Variants in GMDS observed in about 807,000 individuals in gnomAD.
The protein encoded by GMDS is GDP-mannose 4,6-dehydratase.
A neutral mutation model predicts 49.9 loss-of-function variants in GMDS; 20 were observed. The ratio of observed to expected loss-of-function variants is 0.40; its 90% CI spans 0.28 to 0.58. The LOEUF is 0.58. Ranked by LOEUF, GMDS falls within the 20% of genes least tolerant of loss-of-function variation. GMDS has a pLI of 0.42. For missense variants in GMDS, 362 were observed against 481.4 expected, an observed-to-expected ratio of 0.75 and a Z score of 2.32; for synonymous variants, 177 against 178.6, an observed-to-expected ratio of 0.99 and a Z score of 0.07.
chr6:1,873,110 C>G (rs1307511347), intron 7 of GMDS, among the ~76,000 whole-genome samples: 1 of 152,200 alleles, frequency 6.6e-6, no homozygotes, highest in Non-Finnish European at 1.5e-5. Flanking sequence ...GCAAGTCGCC[C>G]AGTTCTTTAA....
intron 4 of GMDS, among the ~76,000 whole-genome samples, chr6:2,082,407 C>T (rs867868642): frequency 3.9e-5 from 6 of 152,336 alleles, no homozygotes; most frequent in African/African-American, 7.2e-5. Context: ...GCCAGGCCAG[C>T]GGCCCAGGGC....
At chr6:1,959,727 A>T in intron 6 of GMDS, 140 bp downstream of exon 6, 1 of 427,100 alleles carries the variant, frequency 2.3e-6, no homozygotes, top group East Asian at 3.5e-5. Context: ...ACATTTCTTC[A>T]TTTGCTGCTC....
intron 1 of GMDS, among the ~76,000 whole-genome samples, chr6:2,190,970 C>T (rs1270438730): frequency 1.3e-5 from 2 of 152,142 alleles, no homozygotes; most frequent in Non-Finnish European, 2.9e-5. Flanking sequence ...CCTAGCCCCA[C>T]ACCACCACTC....
chr6:1,631,065 C>T (rs908286173), intron 9 of GMDS, among the ~76,000 whole-genome samples: 4 of 152,142 alleles, frequency 2.6e-5, no homozygotes, highest in Non-Finnish European at 5.9e-5. Flanking sequence ...GGCAAAACCC[C>T]GAGGACAGGA....
chr6:1,717,194 T>G (rs761149), intron 9 of GMDS, among the ~76,000 whole-genome samples: 9,626 of 152,316 alleles, frequency 0.063, 424 homozygotes, highest in African/African-American at 0.12. Flanking sequence ...CCTCCAGAAC[T>G]GTAAGACAAT....
chr6:2,143,949 G>T (rs1438657167), intron 1 of GMDS, among the ~76,000 whole-genome samples: 1 of 152,094 alleles, frequency 6.6e-6, no homozygotes, highest in African/African-American at 2.4e-5. Flanking sequence ...TTAGGAAGTG[G>T]TCCAAGGTTA....
intron 7 of GMDS, among the ~76,000 whole-genome samples, chr6:1,774,275 C>A (rs867058573): frequency 1.3e-5 from 2 of 152,244 alleles, no homozygotes; most frequent in South Asian, 4.1e-4. Context: ...CTCACTTGTG[C>A]CTCATCACTC....
chr6:1,685,294 G>A (rs904346117), intron 9 of GMDS, among the ~76,000 whole-genome samples: 2 of 152,090 alleles, frequency 1.3e-5, no homozygotes, highest in Non-Finnish European at 2.9e-5. Flanking sequence ...CAAGCTACTT[G>A]GGAGGCTGAG....
intron 7 of GMDS, among the ~76,000 whole-genome samples, chr6:1,832,928 G>C (rs1448282436): frequency 2.6e-5 from 4 of 152,198 alleles, no homozygotes; most frequent in Admixed American, 1.3e-4. Context: ...CCACTTTCCA[G>C]ATCACATATT....
Position 2,191,809 on chromosome 6 carries a change from A to G in GMDS, c.102+53512T>C, listed in dbSNP as rs137993619. On this transcript the variant is annotated intron_variant, in intron 1 of 10. Coordinates refer to ENST00000380815, the MANE Select transcript of GMDS (RefSeq NM_001500.4). The surrounding 1 kb of genome is among the most constrained non-coding windows in gnomAD (Gnocchi z 4.6). ...TACCACAGACCATGGCAGGAAGCAG[A>G]CAGGCTCCGGGGTGGAAGGGGGTAG... 6.6e-6 allele frequency among the ~76,000 whole-genome samples: 1 copy of G among 152,310 alleles called. No individual in the cohort carries two copies. The highest frequency in any genetic ancestry group is 2.4e-5 in the African/African-American group (1 of 41,576).
At chr6:2,013,486 A>C (rs1767691290) in intron 4 of GMDS, among the ~76,000 whole-genome samples, 1 of 152,180 alleles carries the variant, frequency 6.6e-6, no homozygotes, top group African/African-American at 2.4e-5. Context: ...TTCACATATA[A>C]CAGATTTTTA....
At chr6:2,110,532 A>T (rs1774487481) in intron 4 of GMDS, among the ~76,000 whole-genome samples, 1 of 151,996 alleles carries the variant, frequency 6.6e-6, no homozygotes, top group South Asian at 2.1e-4. Context: ...CCCTTGACTC[A>T]CAGTCAACTC....
intron 7 of GMDS, among the ~76,000 whole-genome samples, chr6:1,891,263 G>A (rs1759855638): frequency 6.6e-6 from 1 of 152,138 alleles, no homozygotes; most frequent in African/African-American, 2.4e-5. Context: ...CACTACTGCT[G>A]TCTTCAGAAG....
chr6:2,124,304 G>A (rs891194012), intron 2 of GMDS, among the ~76,000 whole-genome samples: 13 of 152,150 alleles, frequency 8.5e-5, no homozygotes, highest in African/African-American at 3.1e-4. Flanking sequence ...AATCAGCTTG[G>A]TTTTTATTGT....
chr6:1,694,384 G>T (rs1401336698), intron 9 of GMDS, among the ~76,000 whole-genome samples: 2 of 152,180 alleles, frequency 1.3e-5, no homozygotes, highest in African/African-American at 4.8e-5. Flanking sequence ...TGTTGCTTTT[G>T]ATTCTTTCAA....
chr6:2,145,441 G>A (rs1776505189), intron 1 of GMDS, among the ~76,000 whole-genome samples: 1 of 152,052 alleles, frequency 6.6e-6, no homozygotes, highest in African/African-American at 2.4e-5. Context: ...GGGAAGCTGA[G>A]GCAGGAGAAT....
chr6:2,089,526 A>G (rs1773200364), intron 4 of GMDS, among the ~76,000 whole-genome samples: 1 of 152,190 alleles, frequency 6.6e-6, no homozygotes, highest in African/African-American at 2.4e-5. Flanking sequence ...AGCAGAAGGA[A>G]AAAGAGAAGC....
intron 1 of GMDS, among the ~76,000 whole-genome samples, chr6:2,233,512 T>C (rs1392399220): frequency 1.3e-5 from 2 of 152,226 alleles, no homozygotes; most frequent in Non-Finnish European, 2.9e-5. Context: ...TTCTATGCTC[T>C]AACAAACCTT....
At chr6:2,048,501 A>T (rs906495951) in intron 4 of GMDS, among the ~76,000 whole-genome samples, 3 of 152,296 alleles carry the variant, frequency 2.0e-5, no homozygotes, top group Non-Finnish European at 2.9e-5. Context: ...TTCCTTCAAG[A>T]CTGTATTGAC....
Sources: allele counts gnomAD v4.1 joint callset (sites outside exome capture counted in the v4.1 genomes callset), GRCh38; gene constraint gnomAD v4.1.1; non-coding constraint Gnocchi (gnomAD v3.1); transcripts MANE v1.5; gene names NCBI Gene and HGNC (gene_info 2026-07-23, HGNC 2026-07-21).